Variants in PUM2 observed in about 807,000 individuals in gnomAD.
The protein encoded by PUM2 is pumilio RNA binding family member 2.
PUM2 carries 57 observed loss-of-function variants against 124.5 expected under a neutral mutation model. The ratio of observed to expected loss-of-function variants is 0.46; its 90% CI spans 0.37 to 0.57. The LOEUF (loss-of-function observed/expected upper bound fraction) is 0.57. Among genes scored for constraint, PUM2 ranks in the 20% least tolerant of loss-of-function variants. The pLI is 0.00. For missense variants in PUM2, 1,065 were observed against 1,290.6 expected (o/e 0.83, Z 2.68); for synonymous variants, 460 against 446.1 (o/e 1.03, Z -0.39).
intron 2 of PUM2, chr2:20,326,230 G>T: frequency 1.6e-6 from 2 of 1,285,800 alleles, no homozygotes; most frequent in Non-Finnish European, 2.0e-6. Context: ...ATTTATTTTG[G>T]CAATACTTAA....
At position 20,249,356 on chromosome 2, in the gene PUM2, G is replaced by A. The variant is rs1662751863; in HGVS notation, c.*2229C>T. ...AAATACTCTGAGGTTGGTAAAGTAG[G>A]AAAAAGTGAGACAGCGGCTTTGTGT... On this transcript the variant is annotated 3_prime_UTR_variant, in exon 21 of 21. Transcript: ENST00000361078. The A allele has an allele frequency of 6.6e-6, 1 of 152,566 alleles. No homozygotes were observed. The highest frequency in any genetic ancestry group is 2.4e-5 in the African/African-American group (1 of 41,440). 9.5% of individuals were successfully genotyped at this position (152,566 alleles called of 1,614,324 possible).
rs1477372512 is a variant in PUM2 at position 20,283,074 on chromosome 2, A to G, written c.1593T>C (p.Asn531=). The change falls in exon 12 of 21, where the codon AAT becomes AAC. Residue 531 remains asparagine, a synonymous_variant. Transcript: ENST00000361078. ...NSFYGSSSLT[N]SSQSSSLFSH... is the part of the protein sequence containing the mutation. ...AAAATAAAGAACTACTCTGGGAGCTATTAGTCAAAGAACTGCTTCCATAAA... is the reference window on the plus strand; with the variant it reads ...AAAATAAAGAACTACTCTGGGAGCTGTTAGTCAAAGAACTGCTTCCATAAA... 3.7e-6 allele frequency: 6 copies of G among 1,613,984 alleles called. No individual in the cohort carries two copies. In the Admixed American group the frequency reaches 6.7e-5, roughly 18 times the overall value.
chr2:20,344,132 A>C lies in PUM2; in HGVS notation c.-19+6465T>G, dbSNP rs531434018. Among the ~76,000 whole-genome samples, 140 of 152,270 alleles carry C rather than the reference A, an allele frequency of 9.2e-4. 2 individuals are homozygous for C. Among genetic ancestry groups the C allele is most frequent in the African/African-American group, 3.2e-3 (135 of 41,564 alleles). On this transcript the variant is annotated intron_variant, in intron 1 of 20. Transcript: ENST00000361078. ...GCCCATGCTGCAGTGCAGTGGCTCG[A>C]TCTTGGCTCACTGCAATCTCTACCT...
chr2:20,268,900 T>C (rs1286160509), intron 13 of PUM2, among the ~76,000 whole-genome samples: 2 of 152,162 alleles, frequency 1.3e-5, no homozygotes, highest in Non-Finnish European at 2.9e-5. Flanking sequence ...TATTTTATGA[T>C]ACATCATTTG....
intron 1 of PUM2, among the ~76,000 whole-genome samples, chr2:20,342,318 TAA>T (rs1427043572): frequency 6.6e-6 from 1 of 152,178 alleles, no homozygotes; most frequent in Non-Finnish European, 1.5e-5. Context: ...TTCTCAGAAA[TAA>T]GTGATCCCTT....
rs1010722691 is a variant in PUM2 at position 20,343,810 on chromosome 2, T to C, written c.-19+6787A>G. The stretch of plus-strand genomic sequence containing the variant: ...TGGGTATGATGTTGTGCGCCTGTAA[T>C]GCCAGCTCCTCAGGAGGCTGAAGTC... On this transcript the variant is annotated intron_variant, in intron 1 of 20. Coordinates refer to ENST00000361078, the MANE Select transcript of PUM2 (RefSeq NM_015317.5). Among the ~76,000 whole-genome samples, 33 of 152,260 alleles carry C rather than the reference T, an allele frequency of 2.2e-4. 1 individual carries two copies. In the East Asian group the frequency reaches 6.2e-3, roughly 29 times the overall value.
chr2:20,288,709 A>T (rs1023896211), intron 10 of PUM2, among the ~76,000 whole-genome samples: 1 of 152,258 alleles, frequency 6.6e-6, no homozygotes, highest in Admixed American at 6.5e-5. Context: ...CTGAAGGAAC[A>T]TCGATTTTCT....
At chr2:20,286,343 G>A (rs1365376677) in intron 10 of PUM2, among the ~76,000 whole-genome samples, 2 of 152,278 alleles carry the variant, frequency 1.3e-5, no homozygotes, top group East Asian at 1.9e-4. Flanking sequence ...GAAATTAGAC[G>A]TGGGATGTGA....
At chr2:20,276,293 T>C (rs1670252957) in intron 13 of PUM2, among the ~76,000 whole-genome samples, 1 of 150,868 alleles carries the variant, frequency 6.6e-6, no homozygotes, top group South Asian at 2.1e-4. Context: ...GCACAGACTG[T>C]TGCTACTGGG....
chr2:20,327,781 G>GAATC (rs1187938838), intron 1 of PUM2, among the ~76,000 whole-genome samples: 1 of 152,130 alleles, frequency 6.6e-6, no homozygotes, highest in Non-Finnish European at 1.5e-5. Context: ...ATTCCTTTAA[G>GAATC]AATCCAGCCT....
rs12989318 is a variant in PUM2, at chr2:20,320,397, C to T, written c.52-1752G>A. ...AGAATAACCTGTTTAATAACTTAAA[C>T]AGCTAAAAAGGTAAATGGTACTGCT... On this transcript the variant is annotated intron_variant, in intron 2 of 20. Transcript: ENST00000361078. Among the ~76,000 whole-genome samples, 15 of 152,088 alleles carry T rather than the reference C, an allele frequency of 9.9e-5. No homozygotes were observed. In the East Asian group the frequency reaches 1.2e-3, roughly 12 times the overall value.
At chr2:20,258,475 T>C (rs558027288) in intron 15 of PUM2, 104 bp from the exon 16 acceptor site, 5 of 1,142,604 alleles carry the variant, frequency 4.4e-6, no homozygotes, top group East Asian at 2.5e-5. Flanking sequence ...AGTAACTATG[T>C]AGGGCAGGGG....
At chr2:20,350,857 C>G (rs1303039503), upstream of PUM2, 2 of 949,466 alleles carry the variant, frequency 2.1e-6, no homozygotes, top group African/African-American at 1.8e-5. Flanking sequence ...CCCCCGCCCA[C>G]CGGGCGCGCG....
At chr2:20,308,127 TA>T in intron 6 of PUM2, 56 bp from the exon 7 acceptor site, 1 of 1,566,032 alleles carries the variant, frequency 6.4e-7, no homozygotes, top group Non-Finnish European at 8.7e-7. Flanking sequence ...CATTTCTAAT[TA>T]GAAATCTGAA....
At chr2:20,305,638 AAAT>A (rs1678075032) in intron 7 of PUM2, among the ~76,000 whole-genome samples, 2 of 152,062 alleles carry the variant, frequency 1.3e-5, no homozygotes, top group African/African-American at 2.4e-5. Flanking sequence ...ATGTTAAAAG[AAAT>A]AATTATTATA....
intron 15 of PUM2, 78 bp downstream of exon 15, chr2:20,260,259 C>A (rs1224306782): frequency 2.2e-6 from 3 of 1,369,414 alleles, no homozygotes; most frequent in South Asian, 1.7e-5. Context: ...ATGACTTTAC[C>A]CAACTTTCAG....
chr2:20,269,277 T>C (rs569570017), intron 13 of PUM2, among the ~76,000 whole-genome samples: 2 of 152,202 alleles, frequency 1.3e-5, no homozygotes, highest in African/African-American at 4.8e-5. Context: ...CTCAGCTTAC[T>C]GCAAGCTCCG....
rs373423634 is a variant in PUM2 at position 20,312,381 on chromosome 2, C to G, written c.203G>C (p.Gly68Ala). Residue 68 changes from glycine (G) to alanine (A), a missense_variant, in exon 4 of 21, where the codon GGA becomes GCA. By Grantham distance (60) the Gly-to-Ala change is moderately conservative. Coordinates refer to ENST00000361078, the MANE Select transcript of PUM2 (RefSeq NM_015317.5). ...SQPIMVQRRS[G>A]QGFHGNSEVN... ...TTCACTGTTTCCATGAAAACCCTGT[C>G]CAGATCTTCTCTGTACCATAATAGG... 6.2e-7 allele frequency: 1 copy of G among 1,613,754 alleles called. No homozygotes were observed. Among genetic ancestry groups the G allele is most frequent in the Admixed American group, 1.7e-5 (1 of 59,982 alleles).
At chr2:20,308,624 A>G in intron 5 of PUM2, 40 bp from the exon 6 acceptor site, 3 of 1,534,792 alleles carry the variant, frequency 2.0e-6, no homozygotes, top group Non-Finnish European at 2.6e-6. Context: ...AATAAAAGTA[A>G]CAAGTCAAAT....
Sources: gnomAD v4.1 joint callset for allele counts (sites outside exome capture counted in the v4.1 genomes callset) on GRCh38, gnomAD v4.1.1 for gene constraint, MANE v1.5 for transcripts, NCBI Gene and HGNC (gene_info 2026-07-23, HGNC 2026-07-21) for gene names.